Variants in AGBL4 observed in about 807,000 individuals in gnomAD.
AGBL4 encodes cytosolic carboxypeptidase 6.
Under a neutral mutation model 66.4 loss-of-function variants are expected in AGBL4, and 58 were observed. The observed-to-expected ratio is 0.87, with a 90% CI of 0.71 to 1.09. The LOEUF (loss-of-function observed/expected upper bound fraction) is 1.09. AGBL4 is among the 50% of genes least tolerant of loss of function. The pLI, the probability that AGBL4 is intolerant of heterozygous loss-of-function variation, is 0.00. For synonymous variants in AGBL4, 234 were observed against 222.9 expected (o/e 1.05, Z -0.44); for missense variants, 579 against 631.0 (o/e 0.92, Z 0.88).
chr1:49,232,979 T>C (rs1650441338), intron 4 of AGBL4, among the ~76,000 whole-genome samples: 4 of 152,206 alleles, frequency 2.6e-5, no homozygotes, highest in Non-Finnish European at 4.4e-5. Context: ...AATTACTTCA[T>C]CTTAGGATGC....
intron 1 of AGBL4, among the ~76,000 whole-genome samples, chr1:49,977,134 A>G (rs1055106862): frequency 4.6e-5 from 7 of 152,156 alleles, no homozygotes; most frequent in Non-Finnish European, 1.0e-4. Flanking sequence ...TCTTCCCTCT[A>G]TCTTTCATTC....
chr1:49,842,811 G>A (rs779226884), intron 2 of AGBL4, among the ~76,000 whole-genome samples: 7 of 152,170 alleles, frequency 4.6e-5, no homozygotes, highest in Non-Finnish European at 8.8e-5. Flanking sequence ...TGAGCCATGA[G>A]GCAGTCTGAG....
chr1:49,789,175 A>C (rs1644532196), intron 2 of AGBL4, among the ~76,000 whole-genome samples: 1 of 152,178 alleles, frequency 6.6e-6, no homozygotes, highest in Non-Finnish European at 1.5e-5. Context: ...CCAGCCTTGC[A>C]TCCCAGGGAT....
intron 1 of AGBL4, among the ~76,000 whole-genome samples, chr1:50,001,647 T>A (rs1235214425): frequency 6.6e-6 from 1 of 151,992 alleles, no homozygotes; most frequent in East Asian, 1.9e-4. Context: ...AAATAGGGAA[T>A]GACGGGGACT....
intron 3 of AGBL4, among the ~76,000 whole-genome samples, chr1:49,691,979 A>T (rs1646896907): frequency 6.6e-6 from 1 of 152,100 alleles, no homozygotes; most frequent in Non-Finnish European, 1.5e-5. Context: ...AATACTTAAT[A>T]AACTCCCCAT....
intron 5 of AGBL4, among the ~76,000 whole-genome samples, chr1:48,977,409 GTGTTCTCTGACAAGAGATAA>G (rs1351900760): frequency 6.6e-6 from 1 of 152,082 alleles, no homozygotes; most frequent in Non-Finnish European, 1.5e-5. Flanking sequence ...AAAGTTTGGG[GTGTTCTCTGACAAGAGATAA>G]TGTATGCTTT....
Position 49,271,516 on chromosome 1 carries a change from G to GCACACACACACA in AGBL4, c.283-25664_283-25653dup, listed in dbSNP as rs57311875. 4.4e-3 allele frequency among the ~76,000 whole-genome samples: 632 copies of GCACACACACACA among 144,284 alleles called. 5 individuals are homozygous for GCACACACACACA. Among genetic ancestry groups the GCACACACACACA allele is most frequent in the African/African-American group, 0.015 (596 of 39,710 alleles). 94.7% of individuals were successfully genotyped at this position (144,284 alleles called of 152,430 possible). On this transcript the variant is annotated intron_variant, in intron 3 of 13. Coordinates refer to ENST00000371839, the MANE Select transcript of AGBL4 (RefSeq NM_032785.4). ...TCAAAGTCAACTCAATTAAAAGATA[G>GCACACACACACA]CACACACACACACACACACACACAC...
At chr1:49,867,315 T>C (rs116824680) in intron 1 of AGBL4, among the ~76,000 whole-genome samples, 1,776 of 149,434 alleles carry the variant, frequency 0.012, 47 homozygotes, top group African/African-American at 0.041. Context: ...CTTTTGGGCT[T>C]CTTTTATATA....
At chr1:49,867,973 C>T (rs986555798) in intron 1 of AGBL4, among the ~76,000 whole-genome samples, 1 of 151,992 alleles carries the variant, frequency 6.6e-6, no homozygotes, top group South Asian at 2.1e-4. Flanking sequence ...ATTCAAGAGA[C>T]CCAATAATAG....
chr1:49,517,178 G>A (rs1205351085), intron 3 of AGBL4, among the ~76,000 whole-genome samples: 1 of 151,478 alleles, frequency 6.6e-6, no homozygotes, highest in Non-Finnish European at 1.5e-5. Context: ...GGACTGTGAA[G>A]AAGCAGAAGT....
intron 6 of AGBL4, among the ~76,000 whole-genome samples, chr1:48,822,090 T>C (rs1388330825): frequency 3.3e-5 from 5 of 152,088 alleles, no homozygotes; most frequent in South Asian, 4.1e-4. Flanking sequence ...TATGGAGCAA[T>C]TGGACAAAAC....
At chr1:48,566,255 TC>T (rs1338305009) in intron 11 of AGBL4, among the ~76,000 whole-genome samples, 1 of 152,210 alleles carries the variant, frequency 6.6e-6, no homozygotes, top group African/African-American at 2.4e-5. Context: ...GAGCCTTTAT[TC>T]ATCATGACCC....
intron 5 of AGBL4, among the ~76,000 whole-genome samples, chr1:48,921,418 C>T (rs926870453): frequency 6.6e-6 from 1 of 152,092 alleles, no homozygotes; most frequent in Non-Finnish European, 1.5e-5. Flanking sequence ...CAGACATATG[C>T]TACAATAAAG....
intron 6 of AGBL4, among the ~76,000 whole-genome samples, chr1:48,767,713 A>G (rs1644598436): frequency 6.6e-6 from 1 of 152,226 alleles, no homozygotes; most frequent in African/African-American, 2.4e-5. Flanking sequence ...CAACTACTCT[A>G]ACCTTGAGGC....
At chr1:48,808,497 T>A (rs532975914) in intron 6 of AGBL4, among the ~76,000 whole-genome samples, 2 of 152,242 alleles carry the variant, frequency 1.3e-5, no homozygotes, top group South Asian at 4.2e-4. Context: ...ATGTCCCTGA[T>A]GAGGCAGGGC....
intron 3 of AGBL4, among the ~76,000 whole-genome samples, chr1:49,523,204 G>A (rs1650402154): frequency 6.6e-6 from 1 of 152,040 alleles, no homozygotes; most frequent in African/African-American, 2.4e-5. Flanking sequence ...GATAGTGCAA[G>A]AAAAGGTTAT....
intron 5 of AGBL4, among the ~76,000 whole-genome samples, chr1:48,895,731 G>A (rs551255360): frequency 6.6e-6 from 1 of 152,284 alleles, no homozygotes; most frequent in East Asian, 1.9e-4. Flanking sequence ...AGAGACTCGA[G>A]CATATCAGGA....
In AGBL4 at chr1:49,846,608, T is replaced by G. The variant is rs181790984; in HGVS notation, c.157+4788A>C. ...TATACACCTATTAAATATTTTAATT[T>G]CAATCTTTGTGGTTACATGATAGGT... On this transcript the variant is annotated intron_variant, in intron 2 of 13. Coordinates refer to ENST00000371839, the MANE Select transcript of AGBL4 (RefSeq NM_032785.4). Among the ~76,000 whole-genome samples the G allele has an allele frequency of 2.5e-4, 38 of 152,334 alleles. No individual in the cohort carries two copies. In the East Asian group the frequency reaches 6.8e-3, roughly 27 times the overall value.
chr1:49,045,765 C>T lies in AGBL4; in HGVS notation c.413G>A (p.Arg138His), dbSNP rs765721353. The change falls in exon 5 of 14, where the codon CGC becomes CAC. Residue 138 changes from arginine (R) to histidine (H), a missense_variant. Transcript: ENST00000371839. ...ATAGTTCTTCCTATGGTCCGGGCAG[C>T]GGTAGTAGTAAACATTTTTGGGTGG... ...RLPPKNVYYYRCPDHRKNYVM... is the reference protein window; with the variant it reads ...RLPPKNVYYYHCPDHRKNYVM... 3.1e-5 allele frequency: 48 copies of T among 1,551,364 alleles called. No individual in the cohort carries two copies. Among genetic ancestry groups the T allele is most frequent in the South Asian group, 4.8e-5 (4 of 84,010 alleles).
Sources: allele counts gnomAD v4.1 joint callset (sites outside exome capture counted in the v4.1 genomes callset), GRCh38; gene constraint gnomAD v4.1.1; transcripts MANE v1.5; gene names NCBI Gene and HGNC (gene_info 2026-07-23, HGNC 2026-07-21).